The following COL3A1 variants were observed in gnomAD, a reference collection of about 807,000 sequenced individuals.
COL3A1 encodes the protein collagen type III alpha 1 chain.
In COL3A1, 46 loss-of-function variants were observed where a neutral mutation model predicts 200.9. That is an observed-to-expected ratio of 0.23 (90% CI 0.18 to 0.29). The LOEUF (loss-of-function observed/expected upper bound fraction) is 0.29. COL3A1 is among the 10% of genes least tolerant of loss of function. The pLI is 1.00. For missense variants in COL3A1, 1,367 were observed against 1,917.6 expected (o/e 0.71, Z 5.36); for synonymous variants, 650 against 628.0 (o/e 1.03, Z -0.52).
intron 1 of COL3A1, 66 bp from the exon 2 acceptor site, chr2:188,984,694 A>G (rs1346358813): frequency 4.9e-6 from 7 of 1,416,170 alleles, no homozygotes; most frequent in Admixed American, 1.7e-5. Context: ...TAGTCCTAAC[A>G]GAGTAACAAA....
At chr2:188,996,523 T>A (rs770859616) in intron 24 of COL3A1, 27 bp downstream of exon 24, 6 of 1,578,654 alleles carry the variant, frequency 3.8e-6, no homozygotes, top group Non-Finnish European at 3.5e-6. Context: ...ATTTCTTCAA[T>A]AAATATTTGA....
chr2:189,010,222 A>C lies in COL3A1; in HGVS notation c.3868A>C (p.Ile1290Leu), dbSNP rs757734757. The C allele has an allele frequency of 6.2e-7, 1 of 1,614,174 alleles. No homozygotes were observed. The highest frequency in any genetic ancestry group is 1.7e-5 in the Admixed American group (1 of 60,028). The change falls in exon 49 of 51, where the codon ATC (isoleucine) becomes CTC (leucine). Residue 1290 changes from isoleucine to leucine, a missense_variant. Transcript: ENST00000304636. The part of the protein sequence containing the change: ...DPNQGCKLDA[I>L]KVFCNMETGE... The stretch of plus-strand genomic sequence containing the variant: ...TAACCAAGGATGCAAATTGGATGCT[A>C]TCAAGGTATTCTGTAATATGGAAAC...
chr2:189,003,878 T>C, intron 38 of COL3A1, 91 bp downstream of exon 38: 1 of 1,577,444 alleles, frequency 6.3e-7, no homozygotes, highest in South Asian at 1.1e-5. Flanking sequence ...TTGCTACTTA[T>C]TTCTCTAGTA....
At chr2:188,985,140 AC>A in intron 2 of COL3A1, 56 bp from the exon 3 acceptor site, 6 of 1,533,742 alleles carry the variant, frequency 3.9e-6, no homozygotes, top group Non-Finnish European at 5.4e-6. Flanking sequence ...AATCTGGGTT[AC>A]TAAATAATAT....
At chr2:188,982,144 A>G (rs966023739) in intron 1 of COL3A1, among the ~76,000 whole-genome samples, 7 of 151,700 alleles carry the variant, frequency 4.6e-5, no homozygotes, top group Admixed American at 3.3e-4. Context: ...GAAGAGAAAA[A>G]TATTTTAAGA....
chr2:188,977,837 G>T (rs1005694686), intron 1 of COL3A1, among the ~76,000 whole-genome samples: 10 of 152,004 alleles, frequency 6.6e-5, no homozygotes, highest in African/African-American at 1.9e-4. Context: ...GGTGAAAAAA[G>T]AATAGGTATT....
chr2:188,998,245 T>C (rs1217644103), intron 27 of COL3A1, 21 bp from the exon 28 acceptor site: 2 of 1,609,382 alleles, frequency 1.2e-6, no homozygotes, highest in African/African-American at 1.3e-5. Flanking sequence ...AATTACCTAA[T>C]ACAAATATGA....
chr2:189,009,156 G>A lies in COL3A1; in HGVS notation c.3758G>A (p.Gly1253Asp), dbSNP rs2153504111. ...GQIESLISPD[G>D]SRKNPARNCR... is the part of the protein sequence containing the mutation. ...ATAGAAAGCCTCATTAGTCCTGATG[G>A]TTCTCGTAAAAACCCCGCTAGAAAC... The change falls in exon 48 of 51, where the codon GGT becomes GAT. Residue 1253 changes from glycine (G) to aspartate (D), a missense_variant. Physicochemically the swap from Gly to Asp is moderately conservative, Grantham distance 94. This residue lies in a region of COL3A1 where 846 missense variants were observed against 1,147.9 expected (regional missense o/e 0.74). Coordinates refer to ENST00000304636, the MANE Select transcript of COL3A1 (RefSeq NM_000090.4). The A allele has an allele frequency of 1.9e-6, 3 of 1,614,148 alleles. No homozygotes were observed. Among genetic ancestry groups the A allele is most frequent in the Non-Finnish European group, 2.5e-6 (3 of 1,180,004 alleles).
intron 1 of COL3A1, among the ~76,000 whole-genome samples, chr2:188,983,648 G>A (rs1427812484): frequency 6.6e-6 from 1 of 151,866 alleles, no homozygotes; most frequent in African/African-American, 2.4e-5. Context: ...TGAACTACTT[G>A]CCTACTCGGT....
chr2:188,999,807 C>T (rs939324869), intron 31 of COL3A1, 35 bp from the exon 32 acceptor site: 37 of 1,579,650 alleles, frequency 2.3e-5, no homozygotes, highest in African/African-American at 4.0e-5. Context: ...ACTGAAGATA[C>T]TTTGAATCTG....
At position 188,997,383 on chromosome 2, in the gene COL3A1, G is replaced by A. The variant is rs746405669; in HGVS notation, c.1863G>A (p.Gly621=). The change falls in exon 26 of 51, where the codon GGG becomes GGA. Residue 621 remains glycine, a synonymous_variant. Coordinates refer to ENST00000304636, the MANE Select transcript of COL3A1 (RefSeq NM_000090.4). ...AAACTGGACCTCAGGGACCCCCAGG[G>A]CCTACTGTAAGTTCACTCATATAAA... The part of the protein sequence containing the change: ...NGETGPQGPP[G]PTGPGGDKGD... 3.1e-6 allele frequency: 5 copies of A among 1,613,590 alleles called. No homozygotes were observed. The highest frequency in any genetic ancestry group is 1.3e-5 in the African/African-American group (1 of 74,884).
Position 188,990,316 on chromosome 2 carries a change from G to T in COL3A1, c.754G>T (p.Gly252Cys), listed in dbSNP as rs587779705. The change falls in exon 10 of 51, where the codon GGT (glycine) becomes TGT (cysteine). Residue 252 changes from glycine to cysteine, a missense_variant. Gly to Cys is a radical substitution (Grantham distance 159, BLOSUM62 -3). Coordinates refer to ENST00000304636, the MANE Select transcript of COL3A1 (RefSeq NM_000090.4). The stretch of plus-strand genomic sequence containing the variant: ...CATTCATTATTTTTAGGGTATCAAA[G>T]GTCCAGCTGGGATACCTGGATTCCC... ...RGLPGPPGIK[G>C]PAGIPGFPGM... 6.2e-7 allele frequency: 1 copy of T among 1,613,086 alleles called. No homozygotes were observed. Among genetic ancestry groups the T allele is most frequent in the Non-Finnish European group, 8.5e-7 (1 of 1,179,372 alleles).
At position 188,992,119 on chromosome 2, in the gene COL3A1, A is replaced by C. The variant is rs1688202022; in HGVS notation, c.952-65A>C. 20 of 1,549,944 alleles carry C rather than the reference A, an allele frequency of 1.3e-5. 1 individual carries two copies. The highest frequency in any genetic ancestry group is 1.8e-5 in the Non-Finnish European group (20 of 1,121,872). ...ACTCACTTGAGTCAGAATTTTGGTC[A>C]AAATATTACTCATGACCAGCCATTC... On this transcript the variant is annotated intron_variant, in intron 13 of 50. Coordinates refer to ENST00000304636, the MANE Select transcript of COL3A1 (RefSeq NM_000090.4).
At chr2:188,995,191 C>A in intron 21 of COL3A1, 92 bp downstream of exon 21, 1 of 1,215,424 alleles carries the variant, frequency 8.2e-7, no homozygotes, top group Non-Finnish European at 1.2e-6. Flanking sequence ...ACCTAAATAT[C>A]TGAAGAATAT....
At chr2:188,988,509 C>A in intron 6 of COL3A1, 81 bp from the exon 7 acceptor site, 1 of 1,006,100 alleles carries the variant, frequency 9.9e-7, no homozygotes, top group Non-Finnish European at 1.5e-6. Flanking sequence ...ATTCACAATC[C>A]TGATTTCTTA....
At chr2:189,007,285 G>T (rs1416817912) in intron 44 of COL3A1, among the ~76,000 whole-genome samples, 1 of 151,290 alleles carries the variant, frequency 6.6e-6, no homozygotes, top group Non-Finnish European at 1.5e-5. Context: ...TGGAGCCAAG[G>T]ATAGAAACAT....
At position 188,997,342 on chromosome 2, in the gene COL3A1, C is replaced by T; in HGVS notation, c.1822C>T (p.Pro608Ser). 6.2e-7 allele frequency: 1 copy of T among 1,613,912 alleles called. No individual in the cohort carries two copies. Among genetic ancestry groups the T allele is most frequent in the Non-Finnish European group, 8.5e-7 (1 of 1,179,868 alleles). Reference protein sequence around the residue: ...GPGGPGPQGPPGKNGETGPQG... With the variant: ...GPGGPGPQGPSGKNGETGPQG... ...TAACTGTTCTTGTTTTTAGGGTCCT[C>T]CTGGAAAGAATGGTGAAACTGGACC... The change falls in exon 26 of 51, where the codon CCT becomes TCT. Residue 608 changes from proline to serine, a missense_variant. Around this residue, in one of 5 missense-constraint regions of COL3A1, gnomAD observed 846 missense variants for 1,147.9 expected, o/e 0.74. Transcript: ENST00000304636.
At chr2:189,006,312 A>G (rs1359037658) in intron 42 of COL3A1, 33 bp from the exon 43 acceptor site, 2 of 1,613,726 alleles carry the variant, frequency 1.2e-6, no homozygotes, top group South Asian at 1.1e-5. Flanking sequence ...AGTGATCATC[A>G]TGTTTATTTT....
rs1688753869 is a variant in COL3A1 at position 189,012,694 on chromosome 2, T to C, written c.*920T>C. 1 of 152,550 alleles carries C rather than the reference T, an allele frequency of 6.6e-6. No individual in the cohort carries two copies. Among genetic ancestry groups the C allele is most frequent in the South Asian group, 2.1e-4 (1 of 4,830 alleles). The allele number at this position is 152,550 out of a possible 1,614,324, so 9.4% of individuals were successfully genotyped here. ...AACTTTGTAAGCTTGTATGTGGTTG[T>C]TGATCTTTTTTTTCCTTACAGACAC... On this transcript the variant is annotated 3_prime_UTR_variant, in exon 51 of 51. Transcript: ENST00000304636.
Sources: gnomAD v4.1 joint callset for allele counts (sites outside exome capture counted in the v4.1 genomes callset) on GRCh38, gnomAD v4.1.1 for gene constraint, gnomAD v4.1.1 regional missense constraint, MANE v1.5 for transcripts, NCBI Gene and HGNC (gene_info 2026-07-23, HGNC 2026-07-21) for gene names.